The following LCLAT1 variants were observed in gnomAD, a reference collection of about 807,000 sequenced individuals.
LCLAT1 encodes the protein lysocardiolipin acyltransferase 1, also known as 1-AGP acyltransferase 8.
In LCLAT1, 11 loss-of-function variants were observed where a neutral mutation model predicts 30.7. The observed-to-expected ratio is 0.36, with a 90% CI of 0.23 to 0.59. The LOEUF is 0.59. Ranked by LOEUF, LCLAT1 falls within the 20% of genes least tolerant of loss-of-function variation. The pLI is 0.77. For missense variants in LCLAT1, 402 were observed against 458.6 expected (o/e 0.88, Z 1.13); for synonymous variants, 155 against 151.3 (o/e 1.02, Z -0.18).
At chr2:30,609,185 A>C (rs1241150154) in intron 5 of LCLAT1, among the ~76,000 whole-genome samples, 1 of 151,816 alleles carries the variant, frequency 6.6e-6, no homozygotes, top group Non-Finnish European at 1.5e-5. Context: ...TCCCTTGTTG[A>C]ATTTTAGACA....
intron 2 of LCLAT1, among the ~76,000 whole-genome samples, chr2:30,528,200 G>A (rs765602300): frequency 2.6e-5 from 4 of 152,236 alleles, no homozygotes; most frequent in Non-Finnish European, 4.4e-5. Context: ...GCTAAAAGCT[G>A]TAATAGAATC....
At chr2:30,535,730 G>C (rs745526515) in intron 3 of LCLAT1, among the ~76,000 whole-genome samples, 4 of 152,234 alleles carry the variant, frequency 2.6e-5, no homozygotes, top group Admixed American at 6.5e-5. Context: ...ACAGATACCA[G>C]TGTAGGAACA....
intron 3 of LCLAT1, among the ~76,000 whole-genome samples, chr2:30,539,433 A>T (rs572670772): frequency 2.6e-5 from 4 of 151,978 alleles, no homozygotes; most frequent in African/African-American, 4.8e-5. Context: ...TAATTTTTTT[A>T]AAAATGAAAC....
Position 30,540,140 on chromosome 2 carries a change from A to T in LCLAT1, c.364+6826A>T, listed in dbSNP as rs1664058290. ...CTCGGTTTCCCCAAAACAGTCGTTA[A>T]CAGTTGTTTTCAGAGCTATTCCATG... On this transcript the variant is annotated intron_variant, in intron 3 of 5. Coordinates refer to ENST00000379509, the MANE Select transcript of LCLAT1 (RefSeq NM_001002257.3). Among the ~76,000 whole-genome samples the T allele has an allele frequency of 2.6e-5, 4 of 152,244 alleles. 1 individual carries two copies. The South Asian group carries it at 8.3e-4, about 31-fold the overall frequency.
chr2:30,553,643 G>C (rs189156680), intron 3 of LCLAT1, among the ~76,000 whole-genome samples: 13,859 of 151,658 alleles, frequency 0.091, 1,311 homozygotes, highest in African/African-American at 0.24. Flanking sequence ...GTGAAACCCC[G>C]TCTCTACTAA....
intron 4 of LCLAT1, among the ~76,000 whole-genome samples, chr2:30,564,486 G>A (rs1195265211): frequency 2.0e-5 from 3 of 152,024 alleles, no homozygotes; most frequent in African/African-American, 7.2e-5. Flanking sequence ...CCATCTAGTT[G>A]CATAATTTTG....
chr2:30,618,865 TAAAG>T (rs373369026), intron 5 of LCLAT1, among the ~76,000 whole-genome samples: 63 of 152,324 alleles, frequency 4.1e-4, no homozygotes, highest in African/African-American at 1.5e-3. Flanking sequence ...AGTTTGTGAA[TAAAG>T]AGTTTTACTT....
rs565775897 is a variant in LCLAT1 at position 30,531,683 on chromosome 2, C to G, written c.166-1433C>G. On this transcript the variant is annotated intron_variant, in intron 2 of 5. Coordinates refer to ENST00000379509, the MANE Select transcript of LCLAT1 (RefSeq NM_001002257.3). ...GTATCAGGATGTTAACACTTTGACT[C>G]TGTAACAATTTGGACATATAACTTT... Among the ~76,000 whole-genome samples the G allele has an allele frequency of 1.7e-3, 258 of 152,262 alleles. 2 individuals carry two copies. The highest frequency in any genetic ancestry group is 4.3e-3 in the Admixed American group (66 of 15,294).
chr2:30,580,869 C>T (rs1281779141), intron 5 of LCLAT1, among the ~76,000 whole-genome samples: 1 of 152,122 alleles, frequency 6.6e-6, no homozygotes, highest in Non-Finnish European at 1.5e-5. Flanking sequence ...TATTATCTTC[C>T]TAAGCAGTTT....
chr2:30,494,629 AGT>A (rs1684010766), intron 1 of LCLAT1, among the ~76,000 whole-genome samples: 1 of 151,740 alleles, frequency 6.6e-6, no homozygotes, highest in Middle Eastern at 3.2e-3. Context: ...CATGTATGTA[AGT>A]GTGTGTATGG....
intron 5 of LCLAT1, among the ~76,000 whole-genome samples, chr2:30,634,216 T>C (rs568438594): frequency 6.6e-6 from 1 of 152,350 alleles, no homozygotes; most frequent in African/African-American, 2.4e-5. Context: ...AGTGCTGGCT[T>C]TATAAAATAT....
intron 3 of LCLAT1, among the ~76,000 whole-genome samples, chr2:30,558,483 C>T (rs1316633793): frequency 1.3e-5 from 2 of 151,640 alleles, no homozygotes; most frequent in Non-Finnish European, 2.9e-5. Flanking sequence ...GCCTGTAGTC[C>T]CAACTACTCG....
chr2:30,480,452 C>T (rs147112470), intron 1 of LCLAT1, among the ~76,000 whole-genome samples: 47 of 152,302 alleles, frequency 3.1e-4, no homozygotes, highest in African/African-American at 1.1e-3. Flanking sequence ...GCCTTGGCTT[C>T]CCAAAGTGCT....
intron 1 of LCLAT1, among the ~76,000 whole-genome samples, chr2:30,477,132 G>T (rs1683083699): frequency 2.0e-5 from 3 of 152,126 alleles, no homozygotes; most frequent in South Asian, 4.1e-4. Flanking sequence ...TCCTTTGAGG[G>T]CATTTATGAC....
chr2:30,465,846 T>C (rs1438888823), intron 1 of LCLAT1, among the ~76,000 whole-genome samples: 1 of 152,190 alleles, frequency 6.6e-6, no homozygotes, highest in Non-Finnish European at 1.5e-5. Context: ...TGAAGTGGCA[T>C]GAAAGAACAA....
At position 30,450,958 on chromosome 2, in the gene LCLAT1, A is replaced by G. The variant is rs527940522; in HGVS notation, c.-5+3575A>G. On this transcript the variant is annotated intron_variant, in intron 1 of 5. Transcript: ENST00000379509. ...CCGGAAGAAGAAATTTGCAATTTATATATCTGACCAAGGACTCATACCGTG... is the reference window on the plus strand; with the variant it reads ...CCGGAAGAAGAAATTTGCAATTTATGTATCTGACCAAGGACTCATACCGTG... 2.8e-4 allele frequency among the ~76,000 whole-genome samples: 42 copies of G among 151,958 alleles called. 1 individual carries two copies. In the South Asian group the frequency reaches 7.3e-3, roughly 26 times the overall value.
At chr2:30,476,583 C>A in intron 1 of LCLAT1, 7 of 451,684 alleles carry the variant, frequency 1.5e-5, no homozygotes, top group Non-Finnish European at 3.1e-5. Context: ...CCAGATAGGA[C>A]CATCTAGTCT....
intron 5 of LCLAT1, among the ~76,000 whole-genome samples, chr2:30,627,055 T>C (rs1474626336): frequency 6.6e-6 from 1 of 152,184 alleles, no homozygotes; most frequent in Non-Finnish European, 1.5e-5. Flanking sequence ...CTTTAAAATA[T>C]TTTTGAGTAT....
rs1351546568 is a variant in LCLAT1 at position 30,640,555 on chromosome 2, T to C, written c.1067T>C (p.Ile356Thr). Residue 356 changes from isoleucine (I) to threonine (T), a missense_variant, in exon 6 of 6, where the codon ATA (isoleucine) becomes ACA (threonine). Ile to Thr is a moderately conservative substitution (Grantham distance 89, BLOSUM62 -1). Coordinates refer to ENST00000379509, the MANE Select transcript of LCLAT1 (RefSeq NM_001002257.3). Reference sequence around the variant, plus strand: ...AGAATATTTGGTGGACTGGAGATCATAGAACTTGCATGTTACCGACTTTTA... The same window carrying C: ...AGAATATTTGGTGGACTGGAGATCACAGAACTTGCATGTTACCGACTTTTA... ...QERIFGGLEI[I>T]ELACYRLLHK... The C allele has an allele frequency of 1.9e-6, 3 of 1,613,588 alleles. No homozygotes were observed. The highest frequency in any genetic ancestry group is 1.6e-4 in the Middle Eastern group (1 of 6,068).
Sources: allele counts gnomAD v4.1 joint callset (sites outside exome capture counted in the v4.1 genomes callset), GRCh38; gene constraint gnomAD v4.1.1; transcripts MANE v1.5; gene names NCBI Gene and HGNC (gene_info 2026-07-23, HGNC 2026-07-21).